PTPRR: variants seen among roughly 807,000 people sequenced by gnomAD.
PTPRR encodes the protein protein tyrosine phosphatase receptor type R, also known as receptor-type tyrosine-protein phosphatase R.
A neutral mutation model predicts 77.2 loss-of-function variants in PTPRR; 38 were observed. The ratio of observed to expected loss-of-function variants is 0.49; its 90% CI spans 0.38 to 0.65. The LOEUF is 0.65. Among genes scored for constraint, PTPRR ranks in the 30% least tolerant of loss-of-function variants. PTPRR has a pLI of 0.00. For missense variants in PTPRR, 744 were observed against 799.2 expected, an observed-to-expected ratio of 0.93 and a Z score of 0.83; for synonymous variants, 299 against 283.1, an observed-to-expected ratio of 1.06 and a Z score of -0.57.
chr12:70,782,296 C>A (rs553182614), intron 2 of PTPRR, among the ~76,000 whole-genome samples: 3 of 152,136 alleles, frequency 2.0e-5, no homozygotes, highest in African/African-American at 4.8e-5. Flanking sequence ...CCTCAAGGAT[C>A]TAGAACTAGA....
At chr12:70,860,857 A>G (rs1343719415) in intron 2 of PTPRR, among the ~76,000 whole-genome samples, 1 of 152,158 alleles carries the variant, frequency 6.6e-6, no homozygotes, top group Non-Finnish European at 1.5e-5. Flanking sequence ...GAACAACTGA[A>G]GCCTCTTCCT....
chr12:70,852,205 G>A (rs936772446), intron 2 of PTPRR, among the ~76,000 whole-genome samples: 5 of 152,096 alleles, frequency 3.3e-5, no homozygotes, highest in Non-Finnish European at 2.9e-5. Flanking sequence ...TGGCAAATAC[G>A]AGAACTAGGA....
chr12:70,859,247 G>T (rs1170379547), intron 2 of PTPRR, among the ~76,000 whole-genome samples: 1 of 152,038 alleles, frequency 6.6e-6, no homozygotes, highest in East Asian at 1.9e-4. Context: ...CTCTAGCTGT[G>T]AGTTAGAATC....
chr12:70,905,650 G>T (rs1893610204), intron 1 of PTPRR, among the ~76,000 whole-genome samples: 2 of 151,896 alleles, frequency 1.3e-5, no homozygotes, highest in Admixed American at 1.3e-4. Flanking sequence ...AAATTACAAT[G>T]TTTAGTTAGA....
At chr12:70,738,891 G>A (rs186373380) in intron 6 of PTPRR, among the ~76,000 whole-genome samples, 1 of 152,182 alleles carries the variant, frequency 6.6e-6, no homozygotes, top group East Asian at 1.9e-4. Flanking sequence ...GAATAAACAG[G>A]TTCCAACTTA....
At chr12:70,770,252 C>T (rs1890939033) in intron 2 of PTPRR, among the ~76,000 whole-genome samples, 1 of 151,024 alleles carries the variant, frequency 6.6e-6, no homozygotes, top group Admixed American at 6.6e-5. Context: ...ATTTTCGCAA[C>T]CTACTCATCT....
chr12:70,699,779 T>C (rs1888355205), intron 7 of PTPRR, among the ~76,000 whole-genome samples: 1 of 152,234 alleles, frequency 6.6e-6, no homozygotes. Context: ...TGTTCATGTT[T>C]GGTAATTTCA....
At chr12:70,640,503 C>T (rs989064637) in intron 13 of PTPRR, among the ~76,000 whole-genome samples, 1 of 152,154 alleles carries the variant, frequency 6.6e-6, no homozygotes, top group Non-Finnish European at 1.5e-5. Flanking sequence ...GACAAAGTTA[C>T]CAGACATTAA....
At chr12:70,653,989 C>A (rs371732605) in intron 13 of PTPRR, among the ~76,000 whole-genome samples, 2 of 152,108 alleles carry the variant, frequency 1.3e-5, no homozygotes, top group South Asian at 2.1e-4. Context: ...TTAGAGGCTA[C>A]TGTCTAAAAA....
chr12:70,793,575 A>T (rs1231883057), intron 2 of PTPRR, among the ~76,000 whole-genome samples: 1 of 152,096 alleles, frequency 6.6e-6, no homozygotes, highest in Non-Finnish European at 1.5e-5. Flanking sequence ...CTATTATGAG[A>T]GTGTTGTGAG....
intron 2 of PTPRR, among the ~76,000 whole-genome samples, chr12:70,837,030 G>A (rs1270328428): frequency 6.6e-6 from 1 of 151,850 alleles, no homozygotes; most frequent in Non-Finnish European, 1.5e-5. Flanking sequence ...GTATATAAAT[G>A]TATAAAGCAT....
At chr12:70,886,191 A>G (rs747574586) in intron 2 of PTPRR, among the ~76,000 whole-genome samples, 3 of 152,226 alleles carry the variant, frequency 2.0e-5, no homozygotes, top group Admixed American at 6.5e-5. Flanking sequence ...AGATGGTGAC[A>G]GTTATGACTG....
At chr12:70,882,324 T>C (rs1025623562) in intron 2 of PTPRR, among the ~76,000 whole-genome samples, 2 of 152,162 alleles carry the variant, frequency 1.3e-5, no homozygotes, top group African/African-American at 2.4e-5. Context: ...TCACTAGCTA[T>C]GATAGATAGG....
intron 1 of PTPRR, 71 bp downstream of exon 1, chr12:70,920,262 C>T (rs1893836002): frequency 1.1e-5 from 16 of 1,507,608 alleles, no homozygotes; most frequent in Non-Finnish European, 1.5e-5. Context: ...CAAGCTTTTC[C>T]TAGAGTCCTT....
At chr12:70,867,608 T>C (rs1453793073) in intron 2 of PTPRR, among the ~76,000 whole-genome samples, 5 of 151,640 alleles carry the variant, frequency 3.3e-5, no homozygotes, top group Admixed American at 3.3e-4. Flanking sequence ...ATGGCCATAC[T>C]GCCCAAGGTA....
intron 2 of PTPRR, among the ~76,000 whole-genome samples, chr12:70,823,328 A>G (rs939160864): frequency 2.6e-5 from 4 of 152,204 alleles, no homozygotes; most frequent in African/African-American, 9.7e-5. Context: ...GCAGTGACAG[A>G]AATATCTGCT....
At chr12:70,750,905 C>CT (rs1565681494) in intron 5 of PTPRR, among the ~76,000 whole-genome samples, 3 of 139,150 alleles carry the variant, frequency 2.2e-5, no homozygotes, top group Admixed American at 7.4e-5. Context: ...TTTTTTAAAC[C>CT]CTTTTTTTTT....
chr12:70,869,881 A>T (rs1892931482), intron 2 of PTPRR, among the ~76,000 whole-genome samples: 1 of 152,182 alleles, frequency 6.6e-6, no homozygotes, highest in Non-Finnish European at 1.5e-5. Context: ...CAGAACTATA[A>T]GATAATAAAT....
At chr12:70,861,076 C>T (rs79808141) in intron 2 of PTPRR, among the ~76,000 whole-genome samples, 4,175 of 152,134 alleles carry the variant, frequency 0.027, 102 homozygotes, top group Non-Finnish European at 0.04. Context: ...GTGCTTAGAA[C>T]GTAAAAATGC....
Sources: allele counts gnomAD v4.1 joint callset (sites outside exome capture counted in the v4.1 genomes callset), GRCh38; gene constraint gnomAD v4.1.1; transcripts MANE v1.5; gene names NCBI Gene and HGNC (gene_info 2026-07-23, HGNC 2026-07-21).